Variants in UGT2B7 observed in about 807,000 individuals in gnomAD.
The protein encoded by UGT2B7 is UDP-glucuronosyltransferase 2B7.
A neutral mutation model predicts 51.9 loss-of-function variants in UGT2B7; 51 were observed. The observed-to-expected ratio is 0.98, with a 90% CI of 0.78 to 1.24. The LOEUF (loss-of-function observed/expected upper bound fraction) is 1.24, where lower values mean the gene tolerates loss of function less well. Ranked by LOEUF, UGT2B7 falls within the 50% of genes most tolerant of loss-of-function variation. The pLI is 0.00. For synonymous variants in UGT2B7, 225 were observed against 211.6 expected, an observed-to-expected ratio of 1.06 and a Z score of -0.55; for missense variants, 727 against 628.4, an observed-to-expected ratio of 1.16 and a Z score of -1.68.
intron 1 of UGT2B7, among the ~76,000 whole-genome samples, chr4:69,064,946 ATAGTGG>A (rs961031337): frequency 6.6e-6 from 1 of 152,172 alleles, no homozygotes; most frequent in Non-Finnish European, 1.5e-5. Flanking sequence ...TATTATTATG[ATAGTGG>A]TGGCAGGTAA....
chr4:69,080,490 G>A (rs1373304437), intron 1 of UGT2B7, among the ~76,000 whole-genome samples: 1 of 151,466 alleles, frequency 6.6e-6, no homozygotes, highest in African/African-American at 2.4e-5. Flanking sequence ...AGAAGTTGCA[G>A]TGAGCTGAGA....
chr4:69,058,639 G>T (rs565414597), intron 1 of UGT2B7, among the ~76,000 whole-genome samples: 1 of 152,240 alleles, frequency 6.6e-6, no homozygotes, highest in Admixed American at 6.5e-5. Context: ...GCTGAACACG[G>T]CATTTGTAGA....
chr4:69,061,928 C>G (rs182680119), intron 1 of UGT2B7, among the ~76,000 whole-genome samples: 20 of 152,200 alleles, frequency 1.3e-4, no homozygotes, highest in Admixed American at 2.0e-4. Context: ...CCTTCTCCGT[C>G]AGGACAGAGA....
intron 1 of UGT2B7, among the ~76,000 whole-genome samples, chr4:69,053,680 C>T (rs868016311): frequency 3.9e-5 from 6 of 152,168 alleles, no homozygotes; most frequent in African/African-American, 7.2e-5. Context: ...AAGTTCACTT[C>T]GTGTCTCTCA....
chr4:69,064,019 G>GGAAAGGAA (rs1718415462), intron 1 of UGT2B7, among the ~76,000 whole-genome samples: 1 of 60,154 alleles, frequency 1.7e-5, no homozygotes, highest in Non-Finnish European at 3.4e-5. Flanking sequence ...AGATGAGATG[G>GGAAAGGAA]GAAAGAAAGA....
intron 1 of UGT2B7, among the ~76,000 whole-genome samples, chr4:69,086,414 T>C (rs1718960386): frequency 1.3e-5 from 2 of 151,924 alleles, no homozygotes; most frequent in African/African-American, 2.4e-5. Context: ...TTCTAGAAGA[T>C]GTTTCATGTG....
intron 1 of UGT2B7, chr4:69,066,568 A>G (rs1026344893): frequency 2.6e-5 from 4 of 152,196 alleles, no homozygotes; most frequent in African/African-American, 9.7e-5. Context: ...TGTTGAAATA[A>G]TAAGTGATTC....
chr4:69,075,436 C>A (rs12648830), intron 1 of UGT2B7, among the ~76,000 whole-genome samples: 57,564 of 151,814 alleles, frequency 0.38, 11,419 homozygotes, highest in East Asian at 0.57. Flanking sequence ...TCTCCCTCTA[C>A]ACACTTTGGA....
chr4:69,094,008 T>C (rs930108267), upstream of UGT2B7, among the ~76,000 whole-genome samples: 4 of 152,150 alleles, frequency 2.6e-5, no homozygotes, highest in African/African-American at 9.7e-5. Context: ...TTAGAGTATA[T>C]CTCATATTAA....
At chr4:69,055,098 TAAAAA>T (rs1178892377) in intron 1 of UGT2B7, among the ~76,000 whole-genome samples, 536 of 22,534 alleles carry the variant, frequency 0.024, 1 homozygote, top group South Asian at 0.087. Flanking sequence ...AAGTAATAGC[TAAAAA>T]AAAAAAAAAA....
At chr4:69,063,187 C>T (rs567306630) in intron 1 of UGT2B7, among the ~76,000 whole-genome samples, 12 of 150,300 alleles carry the variant, frequency 8.0e-5, no homozygotes, top group East Asian at 2.0e-4. Flanking sequence ...GGCGTAGTGG[C>T]GGGCGCCTGT....
intron 1 of UGT2B7, among the ~76,000 whole-genome samples, chr4:69,085,415 T>C (rs1446434838): frequency 6.6e-6 from 1 of 151,976 alleles, no homozygotes; most frequent in Non-Finnish European, 1.5e-5. Flanking sequence ...TCTGTAGGTT[T>C]CCTGTTCAGT....
rs186122585 is a variant in UGT2B7, at chr4:69,054,763, G to A, written c.-159+3161G>A. Among the ~76,000 whole-genome samples, 197 of 152,156 alleles carry A rather than the reference G, an allele frequency of 1.3e-3. 1 individual carries two copies. Among genetic ancestry groups the A allele is most frequent in the African/African-American group, 4.2e-3 (173 of 41,504 alleles). On this transcript the variant is annotated intron_variant, in intron 1 of 5. Coordinates refer to the UGT2B7 transcript ENST00000502942. ...CACACCCAGAAGCTGACTGGTCCAC[G>A]CACGGCTGAAGCATGAGGAAACTCA...
chr4:69,053,023 G>A (rs189840905), intron 1 of UGT2B7, among the ~76,000 whole-genome samples: 57 of 152,128 alleles, frequency 3.7e-4, no homozygotes, highest in African/African-American at 1.3e-3. Context: ...GTTTTTCTGC[G>A]AACTAGACAT....
chr4:69,079,596 C>G (rs1170739397), intron 1 of UGT2B7, among the ~76,000 whole-genome samples: 2 of 151,944 alleles, frequency 1.3e-5, no homozygotes, highest in African/African-American at 4.8e-5. Flanking sequence ...ATTTTCATAC[C>G]TGAATTTTAC....
intron 2 of UGT2B7, among the ~76,000 whole-genome samples, chr4:69,101,976 A>C (rs1241674784): frequency 6.6e-6 from 1 of 152,182 alleles, no homozygotes; most frequent in Non-Finnish European, 1.5e-5. Flanking sequence ...AGAGTTCCTC[A>C]CATGCAGTTA....
intron 1 of UGT2B7, among the ~76,000 whole-genome samples, chr4:69,087,445 A>G (rs981852187): frequency 6.6e-6 from 1 of 151,798 alleles, no homozygotes; most frequent in Non-Finnish European, 1.5e-5. Context: ...TTTTATCTTC[A>G]TGATAAAGAT....
upstream of UGT2B7, among the ~76,000 whole-genome samples, chr4:69,095,554 C>A (rs1161308451): frequency 1.3e-5 from 2 of 152,182 alleles, no homozygotes; most frequent in African/African-American, 4.8e-5. Flanking sequence ...TTAAGAGGAA[C>A]TATAGTCTTG....
In UGT2B7 at chr4:69,112,968, A is replaced by G. The variant is rs1445992202; in HGVS notation, c.*232A>G. On this transcript the variant is annotated 3_prime_UTR_variant, in exon 6 of 6. Transcript: ENST00000305231. ...AATGAAGAAAACACTACGGAAAATA[A>G]AAAATAAGATAAAGCCTTATGAGCT... The G allele has an allele frequency of 1.9e-6, 1 of 517,736 alleles. No individual in the cohort carries two copies. Among genetic ancestry groups the G allele is most frequent in the East Asian group, 4.7e-5 (1 of 21,492 alleles). The allele number at this position is 517,736 out of a possible 1,614,324, so 32.1% of individuals were successfully genotyped here.
Sources: gnomAD v4.1 joint callset for allele counts (sites outside exome capture counted in the v4.1 genomes callset) on GRCh38, gnomAD v4.1.1 for gene constraint, MANE v1.5 for transcripts, NCBI Gene and HGNC (gene_info 2026-07-23, HGNC 2026-07-21) for gene names.